Variants in MAP4 observed in about 807,000 individuals in gnomAD.
MAP4 encodes the protein microtubule-associated protein 4.
In MAP4, 76 loss-of-function variants were observed where a neutral mutation model predicts 170.2. The ratio of observed to expected loss-of-function variants is 0.45; its 90% confidence interval spans 0.37 to 0.54. The LOEUF is 0.54. Ranked by LOEUF, MAP4 falls within the 20% of genes least tolerant of loss-of-function variation. The pLI is 0.00. For missense variants in MAP4, 2,506 were observed against 2,748.0 expected (o/e 0.91, Z 1.97); for synonymous variants, 909 against 994.5 (o/e 0.91, Z 1.62).
intron 3 of MAP4, among the ~76,000 whole-genome samples, chr3:47,937,348 C>T (rs570405566): frequency 1.2e-4 from 19 of 152,206 alleles, no homozygotes; most frequent in African/African-American, 2.9e-4. Context: ...ACAGCATCCT[C>T]GGGAAGGTTC....
At position 48,044,622 on chromosome 3, in the gene MAP4, G is replaced by A. The variant is rs191194919; in HGVS notation, c.-20+44151C>T. On this transcript the variant is annotated intron_variant, in intron 1 of 18. Transcript: ENST00000360240. ...TACTAAAAATACAAAAATTAGCCAG[G>A]GGTAGTGGCACACGCCTGTAATCCC... Among the ~76,000 whole-genome samples the A allele has an allele frequency of 2.6e-5, 4 of 152,088 alleles. No individual in the cohort carries two copies. In the East Asian group the frequency reaches 7.9e-4, roughly 30 times the overall value.
chr3:47,975,254 A>G, intron 3 of MAP4: 6 of 1,382,728 alleles, frequency 4.3e-6, no homozygotes, highest in Non-Finnish European at 9.4e-7. Flanking sequence ...GCTCCATCAA[A>G]CCCTGCAGAG....
upstream of MAP4, among the ~76,000 whole-genome samples, chr3:48,018,930 G>A (rs1441823471): frequency 6.6e-6 from 1 of 152,186 alleles, no homozygotes. Context: ...GTACGAACCA[G>A]CTCTCCATGC....
At chr3:47,975,067 T>A in intron 3 of MAP4, 2 of 1,041,634 alleles carry the variant, frequency 1.9e-6, no homozygotes, top group Non-Finnish European at 2.3e-6. Context: ...TGTTGAACAT[T>A]TGAAAACCAA....
chr3:47,900,505 T>C (rs766704035), intron 10 of MAP4, among the ~76,000 whole-genome samples: 1 of 152,162 alleles, frequency 6.6e-6, no homozygotes, highest in Non-Finnish European at 1.5e-5. Flanking sequence ...TTTGGGAGGC[T>C]GAGGCAGGCG....
At chr3:48,003,072 G>A (rs997463527) in intron 1 of MAP4, among the ~76,000 whole-genome samples, 2 of 151,426 alleles carry the variant, frequency 1.3e-5, no homozygotes, top group Admixed American at 6.6e-5. Flanking sequence ...GAAAAATAGC[G>A]ACAAGAGCAA....
At chr3:47,962,338 T>C (rs899487186) in intron 3 of MAP4, among the ~76,000 whole-genome samples, 3 of 152,200 alleles carry the variant, frequency 2.0e-5, no homozygotes, top group African/African-American at 7.2e-5. Flanking sequence ...TAAGCCCCAG[T>C]CTGGGGGCTT....
intron 3 of MAP4, among the ~76,000 whole-genome samples, chr3:47,970,154 T>C (rs192782962): frequency 2.0e-4 from 30 of 152,336 alleles, no homozygotes; most frequent in African/African-American, 6.5e-4. Context: ...CAATATGGAT[T>C]TTCTCTCAGT....
chr3:47,912,452 T>C (rs1274662507), intron 8 of MAP4, 31 bp from the exon 9 acceptor site: 1 of 1,447,466 alleles, frequency 6.9e-7, no homozygotes, highest in Non-Finnish European at 9.0e-7. Flanking sequence ...CTCCTCGTTA[T>C]TGTTTCTTAA....
rs562812031 is a variant in MAP4 at position 47,911,585 on chromosome 3, C to T, written c.2836G>A (p.Glu946Lys). 3.9e-6 allele frequency: 6 copies of T among 1,536,158 alleles called. No homozygotes were observed. In the African/African-American group the frequency reaches 4.1e-5, roughly 10 times the overall value. Reference protein sequence around the residue: ...VETPLDIRLKEGCSPFLDQEV... With the variant: ...VETPLDIRLKKGCSPFLDQEV... ...TGGTCCAAGAAAGGAGAGCAACCCT[C>T]TTTAAGTCTGATATCCAAAGGGGTT... Residue 946 changes from glutamate to lysine, a missense_variant, in exon 9 of 21, where the codon GAG (glutamate) becomes AAG (lysine). Physicochemically the swap from Glu to Lys is moderately conservative, Grantham distance 56 (BLOSUM62 1). This residue lies in a region of MAP4 where 2,008 missense variants were observed against 2,206.0 expected (regional missense o/e 0.91). Transcript: ENST00000683076. This position sits in a 1 kb window ranked among gnomAD's most constrained non-coding sequence, Gnocchi z 4.0.
chr3:48,056,163 TG>T (rs1579631439), intron 1 of MAP4, among the ~76,000 whole-genome samples: 3 of 71,520 alleles, frequency 4.2e-5, no homozygotes, highest in East Asian at 4.5e-4. Context: ...GGGAGGGAGG[TG>T]GGGGGTCAGC....
chr3:47,892,207 C>T, intron 10 of MAP4: 2 of 1,536,404 alleles, frequency 1.3e-6, no homozygotes, highest in South Asian at 2.4e-5. Context: ...CTTGACAGTC[C>T]TTGTCCTGCA....
Position 47,971,485 on chromosome 3 carries a change from T to C in MAP4, c.292+6380A>G, listed in dbSNP as rs185361446. Among the ~76,000 whole-genome samples, 110 of 152,376 alleles carry C rather than the reference T, an allele frequency of 7.2e-4. 1 individual carries two copies. Among genetic ancestry groups the C allele is most frequent in the African/African-American group, 2.6e-3 (109 of 41,588 alleles). ...TGATATTCTAAAAAAGTAGATTTAC[T>C]GTTTCACTGCTGGCATGACTTTACA... On this transcript the variant is annotated intron_variant, in intron 3 of 20. Transcript: ENST00000683076.
In MAP4 at chr3:47,941,658, G is replaced by A. The variant is rs189713118; in HGVS notation, c.293-13308C>T. ...AAAAAAAAACTGGGCATGGTGGCGT[G>A]TGCCTGTAATCCCAGCTACTCAGGA... is the stretch of plus-strand genomic sequence containing the variant. On this transcript the variant is annotated intron_variant, in intron 3 of 20. Coordinates refer to ENST00000683076, the MANE Select transcript of MAP4 (RefSeq NM_001385682.1). Among the ~76,000 whole-genome samples, 270 of 151,362 alleles carry A rather than the reference G, an allele frequency of 1.8e-3. 2 individuals carry two copies. The highest frequency in any genetic ancestry group is 2.7e-3 in the Non-Finnish European group (184 of 67,850).
At chr3:47,860,666 C>G (rs559247996) in intron 17 of MAP4, among the ~76,000 whole-genome samples, 10 of 152,166 alleles carry the variant, frequency 6.6e-5, no homozygotes, top group Non-Finnish European at 8.8e-5. Flanking sequence ...CATATGCCTA[C>G]TGAACCCACA....
intron 2 of MAP4, among the ~76,000 whole-genome samples, chr3:47,990,515 T>C (rs1247964881): frequency 6.6e-6 from 1 of 152,234 alleles, no homozygotes. Flanking sequence ...GAATAAGCTT[T>C]TAGCTTCAAA....
At chr3:47,992,334 C>A (rs780181350) in intron 2 of MAP4, among the ~76,000 whole-genome samples, 4 of 152,152 alleles carry the variant, frequency 2.6e-5, no homozygotes, top group Non-Finnish European at 2.9e-5. Flanking sequence ...ACAGCCATCA[C>A]CCCTTCCTTT....
intron 3 of MAP4, among the ~76,000 whole-genome samples, chr3:47,956,784 A>G (rs2100068080): frequency 6.6e-6 from 1 of 152,202 alleles, no homozygotes; most frequent in Non-Finnish European, 1.5e-5. Flanking sequence ...TAGCTACAAG[A>G]GTGCTTGCTC....
intron 1 of MAP4, among the ~76,000 whole-genome samples, chr3:48,030,691 C>A (rs1176869832): frequency 6.9e-6 from 1 of 145,220 alleles, no homozygotes; most frequent in Non-Finnish European, 1.5e-5. Flanking sequence ...CCCAGCTACT[C>A]GGGAGGCTGA....
Sources: gnomAD v4.1 joint callset for allele counts (sites outside exome capture counted in the v4.1 genomes callset) on GRCh38, gnomAD v4.1.1 for gene constraint, gnomAD v4.1.1 regional missense constraint, Gnocchi (gnomAD v3.1) non-coding constraint, MANE v1.5 for transcripts, NCBI Gene and HGNC (gene_info 2026-07-23, HGNC 2026-07-21) for gene names.